Variants in SDK1 observed in about 807,000 individuals in gnomAD.
The protein encoded by SDK1 is protein sidekick-1.
Under a neutral mutation model 245.5 loss-of-function variants are expected in SDK1, and 157 were observed. That is an observed-to-expected ratio of 0.64 (90% CI 0.56 to 0.73). The LOEUF is 0.73. Among genes scored for constraint, SDK1 ranks in the 30% least tolerant of loss-of-function variants. The pLI is 0.00. For synonymous variants in SDK1, 1,647 were observed against 1,278.5 expected, an observed-to-expected ratio of 1.29 and a Z score of -6.15; for missense variants, 3,583 against 3,002.3, an observed-to-expected ratio of 1.19 and a Z score of -4.52.
At chr7:3,489,255 C>G (rs982937293) in intron 1 of SDK1, among the ~76,000 whole-genome samples, 5 of 152,080 alleles carry the variant, frequency 3.3e-5, no homozygotes, top group African/African-American at 9.7e-5. Flanking sequence ...ACTTTATTAG[C>G]CATAACAATG....
intron 4 of SDK1, among the ~76,000 whole-genome samples, chr7:3,712,602 A>G (rs545683828): frequency 1.3e-5 from 2 of 152,336 alleles, no homozygotes; most frequent in East Asian, 3.9e-4. Flanking sequence ...CTGCTGCTCT[A>G]CAGCATTATA....
At chr7:3,626,035 C>G (rs1171839040) in intron 2 of SDK1, among the ~76,000 whole-genome samples, 3 of 150,962 alleles carry the variant, frequency 2.0e-5, no homozygotes, top group East Asian at 3.9e-4. Flanking sequence ...CCTGGAACTC[C>G]TAGACTGAAG....
intron 1 of SDK1, among the ~76,000 whole-genome samples, chr7:3,385,935 T>A (rs1441486865): frequency 6.6e-6 from 1 of 152,164 alleles, no homozygotes; most frequent in Non-Finnish European, 1.5e-5. Context: ...AATTCTCTAG[T>A]AGAATCAAAA....
At chr7:3,444,139 G>T (rs1285518928) in intron 1 of SDK1, among the ~76,000 whole-genome samples, 2 of 152,116 alleles carry the variant, frequency 1.3e-5, no homozygotes, top group Non-Finnish European at 2.9e-5. Context: ...GGAAAGGGCG[G>T]GTTTAATTCT....
intron 1 of SDK1, among the ~76,000 whole-genome samples, chr7:3,373,209 A>C (rs1781270068): frequency 1.3e-5 from 2 of 152,234 alleles, no homozygotes; most frequent in African/African-American, 2.4e-5. Flanking sequence ...ACGTGCTCAG[A>C]GCACTTACAT....
intron 1 of SDK1, among the ~76,000 whole-genome samples, chr7:3,481,294 T>G (rs2128602097): frequency 6.6e-6 from 1 of 152,358 alleles, no homozygotes; most frequent in South Asian, 2.1e-4. Context: ...AATTAGTGTG[T>G]GGCAGAAGCT....
intron 4 of SDK1, among the ~76,000 whole-genome samples, chr7:3,819,935 A>G (rs750638427): frequency 2.0e-4 from 30 of 152,246 alleles, no homozygotes; most frequent in Non-Finnish European, 3.4e-4. Context: ...TGTTACCAGA[A>G]TACAGATTTT....
At chr7:3,796,608 C>G (rs1778967718) in intron 4 of SDK1, among the ~76,000 whole-genome samples, 1 of 152,244 alleles carries the variant, frequency 6.6e-6, no homozygotes, top group African/African-American at 2.4e-5. Flanking sequence ...TACCATCTCC[C>G]TCGTGACCAC....
intron 1 of SDK1, among the ~76,000 whole-genome samples, chr7:3,562,746 C>A (rs1779786529): frequency 6.6e-6 from 1 of 152,204 alleles, no homozygotes; most frequent in Admixed American, 6.5e-5. Flanking sequence ...CTCCTATTGC[C>A]TTCCCTGAAT....
At chr7:3,451,825 CCAAT>C (rs1342292347) in intron 1 of SDK1, among the ~76,000 whole-genome samples, 2 of 152,096 alleles carry the variant, frequency 1.3e-5, no homozygotes, top group Non-Finnish European at 2.9e-5. Context: ...CTGTACTGGG[CCAAT>C]CAAACTAGTG....
At chr7:4,110,578 A>C (rs1264126357) in intron 22 of SDK1, 85 bp from the exon 23 acceptor site, 1 of 949,438 alleles carries the variant, frequency 1.1e-6, no homozygotes, top group Non-Finnish European at 1.7e-6. Flanking sequence ...CCAGCTCACC[A>C]GGTACCAGCA....
intron 1 of SDK1, among the ~76,000 whole-genome samples, chr7:3,448,708 A>G (rs966216134): frequency 1.3e-5 from 2 of 152,198 alleles, no homozygotes; most frequent in South Asian, 2.1e-4. Context: ...CATTTAGTAA[A>G]TAAACCACCC....
chr7:3,558,061 T>A (rs376338013), intron 1 of SDK1, among the ~76,000 whole-genome samples: 3 of 150,764 alleles, frequency 2.0e-5, no homozygotes, highest in African/African-American at 4.9e-5. Context: ...TTCACAGTTA[T>A]AGTCCCCAAA....
chr7:3,818,133 A>G (rs988550510), intron 4 of SDK1, among the ~76,000 whole-genome samples: 5 of 152,202 alleles, frequency 3.3e-5, no homozygotes, highest in African/African-American at 1.2e-4. Flanking sequence ...TAAAATGATG[A>G]GGTTTCATTT....
At chr7:3,903,743 C>G (rs1198052117) in intron 5 of SDK1, among the ~76,000 whole-genome samples, 2 of 152,230 alleles carry the variant, frequency 1.3e-5, no homozygotes, top group East Asian at 3.9e-4. Flanking sequence ...CCTTCCAAGC[C>G]TCAAGTTGAA....
At chr7:3,433,662 C>T (rs1779931873) in intron 1 of SDK1, among the ~76,000 whole-genome samples, 3 of 152,124 alleles carry the variant, frequency 2.0e-5, no homozygotes, top group African/African-American at 7.2e-5. Flanking sequence ...CTTTAGGGAC[C>T]AACATCAAAT....
chr7:3,796,606 C>T (rs114601850), intron 4 of SDK1, among the ~76,000 whole-genome samples: 1,832 of 152,302 alleles, frequency 0.012, 42 homozygotes, highest in African/African-American at 0.042. Flanking sequence ...CTTACCATCT[C>T]CCTCGTGACC....
intron 40 of SDK1, among the ~76,000 whole-genome samples, chr7:4,231,705 C>T (rs1369599014): frequency 6.6e-6 from 1 of 152,174 alleles, no homozygotes; most frequent in Non-Finnish European, 1.5e-5. Context: ...AAATCTCATT[C>T]ACGTCTATTC....
chr7:3,603,932 G>C (rs533133935), intron 1 of SDK1, among the ~76,000 whole-genome samples: 3 of 152,300 alleles, frequency 2.0e-5, no homozygotes, highest in Non-Finnish European at 4.4e-5. Flanking sequence ...TGCATCTATT[G>C]AGATAATCAT....
Sources: allele counts gnomAD v4.1 joint callset (sites outside exome capture counted in the v4.1 genomes callset), GRCh38; gene constraint gnomAD v4.1.1; transcripts MANE v1.5; gene names NCBI Gene and HGNC (gene_info 2026-07-23, HGNC 2026-07-21).